Variants in CTNS observed in about 807,000 individuals in gnomAD.
The protein encoded by CTNS is cystinosin.
CTNS carries 27 observed loss-of-function variants against 43.7 expected under a neutral mutation model. That is an observed-to-expected ratio of 0.62 (90% CI 0.46 to 0.85). The LOEUF is 0.85. Ranked by LOEUF, CTNS falls within the 40% of genes least tolerant of loss-of-function variation. The probability of loss-of-function intolerance (pLI) is 0.00; values close to 1 mark genes in which losing one functional copy is unlikely to be tolerated. For missense variants in CTNS, 457 were observed against 475.4 expected, an observed-to-expected ratio of 0.96 and a Z score of 0.36; for synonymous variants, 187 against 190.6, an observed-to-expected ratio of 0.98 and a Z score of 0.16.
At chr17:3,658,239 C>G in intron 10 of CTNS, 64 bp downstream of exon 10, 2 of 1,595,140 alleles carry the variant, frequency 1.3e-6, no homozygotes, top group Non-Finnish European at 1.7e-6. Context: ...TGGCCCAGGC[C>G]CTGCTCCGGT....
intron 10 of CTNS, among the ~76,000 whole-genome samples, chr17:3,659,192 C>CCG (rs1555564390): frequency 1.3e-5 from 2 of 151,042 alleles, no homozygotes; most frequent in Admixed American, 1.3e-4. Flanking sequence ...ACCTGCCTCA[C>CCG]GGGGGGAAGG....
chr17:3,657,889 G>A, intron 9 of CTNS, 116 bp from the exon 10 acceptor site: 2 of 1,211,612 alleles, frequency 1.7e-6, no homozygotes, highest in Non-Finnish European at 1.2e-6. Flanking sequence ...GCTCCTTCAA[G>A]GCCAGGGTCC....
chr17:3,649,669 G>A lies in CTNS; in HGVS notation c.225+738G>A, dbSNP rs921264227. On this transcript the variant is annotated intron_variant, in intron 5 of 11. Coordinates refer to ENST00000046640, the MANE Select transcript of CTNS (RefSeq NM_004937.3). ...TCTGAGACACCACTGGTTGGGTGTCGTTTCCAAAAACCAGTGCCAGAGGCC... is the reference window on the plus strand; with the variant it reads ...TCTGAGACACCACTGGTTGGGTGTCATTTCCAAAAACCAGTGCCAGAGGCC... Among the ~76,000 whole-genome samples the A allele has an allele frequency of 3.3e-5, 5 of 152,110 alleles. No homozygotes were observed. The South Asian group carries it at 8.3e-4, about 25-fold the overall frequency.
rs112318471 is a variant in CTNS, at chr17:3,657,907, G to A, written c.682-98G>A. On this transcript the variant is annotated intron_variant, in intron 9 of 11. Coordinates refer to ENST00000046640, the MANE Select transcript of CTNS (RefSeq NM_004937.3). Reference sequence around the variant, plus strand: ...CCTTCAAGGCCAGGGTCCAGCCTCCGTGCCCCTCTCTAAGCCCGCCCTATC... The same window carrying A: ...CCTTCAAGGCCAGGGTCCAGCCTCCATGCCCCTCTCTAAGCCCGCCCTATC... 0.038 allele frequency: 53,073 copies of A among 1,410,416 alleles called. 1,262 individuals carry two copies. The highest frequency in any genetic ancestry group is 0.078 in the Middle Eastern group (320 of 4,084). 87.4% of individuals were successfully genotyped at this position (1,410,416 alleles called of 1,614,324 possible).
At chr17:3,649,197 C>A (rs571302940) in intron 5 of CTNS, among the ~76,000 whole-genome samples, 6 of 152,256 alleles carry the variant, frequency 3.9e-5, no homozygotes, top group Non-Finnish European at 8.8e-5. Flanking sequence ...GCCTGTAATC[C>A]CAGCACTCTG....
chr17:3,643,768 T>C (rs2075777223), intron 3 of CTNS, among the ~76,000 whole-genome samples: 1 of 152,144 alleles, frequency 6.6e-6, no homozygotes. Flanking sequence ...AGTTTCACCA[T>C]GTTGGCCAGG....
chr17:3,641,997 G>GT (rs1457892421), intron 3 of CTNS, among the ~76,000 whole-genome samples: 1 of 152,002 alleles, frequency 6.6e-6, no homozygotes, highest in African/African-American at 2.4e-5. Context: ...GCTGGAGCAT[G>GT]TGCGTGTGCC....
At position 3,659,622 on chromosome 17, in the gene CTNS, G is replaced by A. The variant is rs79999227; in HGVS notation, c.853-236G>A. Among the ~76,000 whole-genome samples the A allele has an allele frequency of 9.1e-3, 1,390 of 152,348 alleles. 9 individuals carry two copies. The highest frequency in any genetic ancestry group is 0.015 in the Non-Finnish European group (999 of 68,022). ...CGCCTCTGCTGGAGCTGTGAGGTGT[G>A]GGGGGTGCGGGGCCTTTGCTTGCTG... On this transcript the variant is annotated intron_variant, in intron 10 of 11. Transcript: ENST00000046640.
intron 10 of CTNS, 69 bp downstream of exon 10, chr17:3,658,244 T>C: frequency 1.9e-6 from 3 of 1,582,758 alleles, no homozygotes; most frequent in Non-Finnish European, 2.6e-6. Context: ...CAGGCCCTGC[T>C]CCGGTGGGGC....
intron 5 of CTNS, 115 bp from the exon 6 acceptor site, chr17:3,654,883 T>G (rs1597645804): frequency 1.2e-6 from 1 of 817,612 alleles, no homozygotes; most frequent in Non-Finnish European, 2.2e-6. Flanking sequence ...TCTTGGAAGG[T>G]GAGGCTGCGG....
At chr17:3,642,041 CTGTGTG>C (rs371619089) in intron 3 of CTNS, among the ~76,000 whole-genome samples, 1 of 143,788 alleles carries the variant, frequency 7.0e-6, no homozygotes, top group Non-Finnish European at 1.5e-5. Flanking sequence ...TTGCCTGGGC[CTGTGTG>C]TGTGTGTGTA....
chr17:3,659,587 G>A (rs1203482875), intron 10 of CTNS, among the ~76,000 whole-genome samples: 3 of 152,214 alleles, frequency 2.0e-5, no homozygotes, highest in East Asian at 1.9e-4. Context: ...GGGGAAGGCC[G>A]CATCGGCCCC....
chr17:3,644,611 C>A (rs1440859564), intron 3 of CTNS, among the ~76,000 whole-genome samples: 2 of 152,056 alleles, frequency 1.3e-5, no homozygotes, highest in African/African-American at 4.8e-5. Context: ...ATTACAGGCG[C>A]CTGCCATCAC....
intron 5 of CTNS, among the ~76,000 whole-genome samples, chr17:3,651,699 C>T (rs190169303): frequency 3.8e-4 from 57 of 151,562 alleles, no homozygotes; most frequent in African/African-American, 1.3e-3. Flanking sequence ...AGGCTGGGCA[C>T]CGTGGGATTA....
Position 3,661,226 on chromosome 17 carries a change from C to T in CTNS, c.*857C>T, listed in dbSNP as rs1208699515. ...GTTAGGCCTGCCAAACGGCGACCAG[C>T]TCCCCTGGAGCGAGGGCAGGCCCCT... On this transcript the variant is annotated 3_prime_UTR_variant, in exon 12 of 12. Transcript: ENST00000046640. The T allele has an allele frequency of 4.8e-6, 1 of 208,048 alleles. No individual in the cohort carries two copies. The highest frequency in any genetic ancestry group is 9.9e-6 in the Non-Finnish European group (1 of 100,866). The allele number at this position is 208,048 out of a possible 1,614,324, so 12.9% of individuals were successfully genotyped here. A position where few individuals can be genotyped will look rare whatever the true frequency, so the allele number is the denominator to read the frequency against.
In CTNS at chr17:3,662,309, C is replaced by T. The variant is rs899998869; in HGVS notation, c.*1940C>T. 2.4e-5 allele frequency among the ~76,000 whole-genome samples: 1 copy of T among 42,122 alleles called. No individual in the cohort carries two copies. Among genetic ancestry groups the T allele is most frequent in the African/African-American group, 7.6e-5 (1 of 13,162 alleles). The allele number at this position is 42,122 out of a possible 152,430, so 27.6% of individuals were successfully genotyped here. On this transcript the variant is annotated 3_prime_UTR_variant, in exon 12 of 12. Transcript: ENST00000046640. ...CTGGGCAACAAGAACGAAACTCCATCTCAAAAAAAAAAAAAAATTATTGAC... is the reference window on the plus strand; with the variant it reads ...CTGGGCAACAAGAACGAAACTCCATTTCAAAAAAAAAAAAAAATTATTGAC...
At chr17:3,650,438 T>C in intron 5 of CTNS, 1 of 1,283,906 alleles carries the variant, frequency 7.8e-7, no homozygotes, top group Non-Finnish European at 1.1e-6. Context: ...GCCATGACTG[T>C]ACCACTGCCC....
Position 3,655,298 on chromosome 17 carries a change from T to G in CTNS, c.407T>G (p.Val136Gly), listed in dbSNP as rs764372178. 101 of 1,614,086 alleles carry G rather than the reference T, an allele frequency of 6.3e-5. No homozygotes were observed. The highest frequency in any genetic ancestry group is 7.8e-5 in the Non-Finnish European group (92 of 1,180,042). Residue 136 changes from valine to glycine, a missense_variant, in exon 7 of 12, where the codon GTG (valine) becomes GGG (glycine). Transcript: ENST00000046640. ...INQVIGWIYF[V>G]AWSISFYPQV... Reference sequence around the variant, plus strand: ...CAGGTGATTGGCTGGATCTACTTTGTGGCCTGGTCCATCTCCTTCTACCCT... The same window carrying G: ...CAGGTGATTGGCTGGATCTACTTTGGGGCCTGGTCCATCTCCTTCTACCCT...
At chr17:3,641,359 CATATATAT>C (rs1234064483) in intron 3 of CTNS, among the ~76,000 whole-genome samples, 3 of 21,106 alleles carry the variant, frequency 1.4e-4, no homozygotes, top group East Asian at 8.4e-4. Context: ...AAATCAGATA[CATATATAT>C]ATATATATAT....
Sources: allele counts gnomAD v4.1 joint callset (sites outside exome capture counted in the v4.1 genomes callset), GRCh38; gene constraint gnomAD v4.1.1; transcripts MANE v1.5; gene names NCBI Gene and HGNC (gene_info 2026-07-23, HGNC 2026-07-21).